GMPS: variants seen among roughly 807,000 people sequenced by gnomAD.
The protein encoded by GMPS is guanosine monophosphate synthase, also known as GMP synthase [glutamine-hydrolyzing].
A neutral mutation model predicts 77.9 loss-of-function variants in GMPS; 15 were observed. That is an observed-to-expected ratio of 0.19 (90% confidence interval 0.13 to 0.30). The LOEUF (loss-of-function observed/expected upper bound fraction) is 0.30, where lower values mean the gene tolerates loss of function less well. GMPS is among the 10% of genes least tolerant of loss of function. GMPS has a pLI of 1.00. For synonymous variants in GMPS, 224 were observed against 275.9 expected, an observed-to-expected ratio of 0.81 and a Z score of 1.86; for missense variants, 590 against 838.8, an observed-to-expected ratio of 0.70 and a Z score of 3.66.
At chr3:155,872,259 A>C (rs1443452859) in intron 1 of GMPS, among the ~76,000 whole-genome samples, 2 of 152,194 alleles carry the variant, frequency 1.3e-5, no homozygotes, top group Non-Finnish European at 2.9e-5. Context: ...CAATGAGTAA[A>C]AGATTATAAG....
At chr3:155,922,407 G>A in intron 11 of GMPS, 105 bp downstream of exon 11, 1 of 535,888 alleles carries the variant, frequency 1.9e-6, no homozygotes, top group Non-Finnish European at 3.3e-6. Context: ...AAAATTTGGT[G>A]TAATATAACC....
chr3:155,877,168 T>A (rs1754069961), intron 1 of GMPS, among the ~76,000 whole-genome samples: 1 of 152,226 alleles, frequency 6.6e-6, no homozygotes, highest in Non-Finnish European at 1.5e-5. Flanking sequence ...AAATTTTGGA[T>A]CAACGATCTC....
intron 2 of GMPS, among the ~76,000 whole-genome samples, chr3:155,894,333 C>T (rs1224713009): frequency 6.6e-6 from 1 of 152,148 alleles, no homozygotes; most frequent in African/African-American, 2.4e-5. Context: ...AGGTGATGCT[C>T]CTGCCTCAGC....
chr3:155,873,505 T>G (rs1416383855), intron 1 of GMPS, among the ~76,000 whole-genome samples: 1 of 151,998 alleles, frequency 6.6e-6, no homozygotes, highest in Non-Finnish European at 1.5e-5. Flanking sequence ...CAAGCTATCC[T>G]CCCACTTTAG....
chr3:155,896,369 C>T (rs1354197159), intron 2 of GMPS, among the ~76,000 whole-genome samples: 1 of 152,102 alleles, frequency 6.6e-6, no homozygotes, highest in Admixed American at 6.6e-5. Flanking sequence ...AACCCCATCC[C>T]CCTTTAGAAT....
chr3:155,930,879 T>C (rs920230566), intron 12 of GMPS, among the ~76,000 whole-genome samples: 5 of 152,164 alleles, frequency 3.3e-5, no homozygotes, highest in Non-Finnish European at 5.9e-5. Flanking sequence ...TAGAGTACAG[T>C]GGCATGATCA....
chr3:155,888,085 A>AT (rs559159278), intron 1 of GMPS, among the ~76,000 whole-genome samples: 1 of 151,840 alleles, frequency 6.6e-6, no homozygotes, highest in African/African-American at 2.4e-5. Context: ...ATTATTAAAA[A>AT]TTTTTTTTAA....
intron 2 of GMPS, chr3:155,895,400 G>C (rs1438737795): frequency 6.6e-6 from 1 of 152,122 alleles, no homozygotes; most frequent in Non-Finnish European, 1.5e-5. Context: ...CTGCCTCGCA[G>C]GTTCAACCTG....
intron 9 of GMPS, among the ~76,000 whole-genome samples, chr3:155,918,213 G>T (rs1056691441): frequency 1.3e-5 from 2 of 152,184 alleles, no homozygotes; most frequent in African/African-American, 4.8e-5. Context: ...ACTTTGGGAG[G>T]CTGAGGCAGG....
At chr3:155,881,227 C>T (rs192003270) in intron 1 of GMPS, among the ~76,000 whole-genome samples, 177 of 124,394 alleles carry the variant, frequency 1.4e-3, no homozygotes, top group East Asian at 7.3e-4. Flanking sequence ...GGGCGGAATG[C>T]AATGGCATGA....
chr3:155,942,375 A>G lies in GMPS; in HGVS notation c.*4683A>G. On this transcript the variant is annotated 3_prime_UTR_variant, in exon 16 of 16. Coordinates refer to ENST00000496455, the MANE Select transcript of GMPS (RefSeq NM_003875.3). The stretch of plus-strand genomic sequence containing the variant: ...AGTGCTGGGATTACAGGCGTGAGCC[A>G]CCACGCCCGGCAAGCATTTACAGTT... 4.8e-6 allele frequency: 1 copy of G among 207,342 alleles called. No individual in the cohort carries two copies. Among genetic ancestry groups the G allele is most frequent in the Non-Finnish European group, 9.8e-6 (1 of 101,750 alleles). 12.8% of individuals were successfully genotyped at this position (207,342 alleles called of 1,614,324 possible).
chr3:155,905,388 G>C (rs932310008), intron 4 of GMPS, among the ~76,000 whole-genome samples: 1 of 152,134 alleles, frequency 6.6e-6, no homozygotes, highest in Non-Finnish European at 1.5e-5. Context: ...GTTTGAATCA[G>C]GGTCCAGAGA....
intron 2 of GMPS, among the ~76,000 whole-genome samples, chr3:155,896,254 G>A (rs1276393285): frequency 6.6e-6 from 1 of 151,814 alleles, no homozygotes; most frequent in Non-Finnish European, 1.5e-5. Flanking sequence ...CGTGATCCAC[G>A]CACCTCGGCC....
At chr3:155,918,391 G>T (rs1256734111) in intron 9 of GMPS, among the ~76,000 whole-genome samples, 1 of 152,216 alleles carries the variant, frequency 6.6e-6, no homozygotes, top group Non-Finnish European at 1.5e-5. Flanking sequence ...GGCAGAGGTT[G>T]CAGTGAGCCA....
chr3:155,886,266 G>T (rs1313279316), intron 1 of GMPS, among the ~76,000 whole-genome samples: 5 of 151,614 alleles, frequency 3.3e-5, no homozygotes, highest in South Asian at 4.2e-4. Context: ...GGCAAACTTG[G>T]TGAGTTATAT....
At chr3:155,918,836 A>T (rs1755250006) in intron 9 of GMPS, among the ~76,000 whole-genome samples, 1 of 152,170 alleles carries the variant, frequency 6.6e-6, no homozygotes, top group Non-Finnish European at 1.5e-5. Flanking sequence ...TTTATCAGAT[A>T]TACGACTTGC....
chr3:155,873,635 G>GTTTTTTTTTTTTTTTTTTTTTTTT (rs1340921688), intron 1 of GMPS, among the ~76,000 whole-genome samples: 1 of 32,702 alleles, frequency 3.1e-5, no homozygotes, highest in Admixed American at 3.8e-4. Flanking sequence ...ACATGAGTAA[G>GTTTTTTTTTTTTTTTTTTTTTTTT]TTCTTTTTTT....
chr3:155,901,537 A>G (rs568086151), intron 3 of GMPS, among the ~76,000 whole-genome samples: 2 of 152,208 alleles, frequency 1.3e-5, no homozygotes, highest in African/African-American at 4.8e-5. Flanking sequence ...GCTGGGTCAT[A>G]ATGTACATTT....
rs1753884314 is a variant in GMPS at position 155,870,761 on chromosome 3, C to T, written c.-110C>T. 1.4e-6 allele frequency: 1 copy of T among 715,546 alleles called. No individual in the cohort carries two copies. Among genetic ancestry groups the T allele is most frequent in the South Asian group, 1.6e-5 (1 of 61,374 alleles). The allele number at this position is 715,546 out of a possible 1,614,324, so 44.3% of individuals were successfully genotyped here. ...GGCTCCTCTCCGCTGCCGGCTGCTC[C>T]TCGACCAGGCCTCCTTCTCAACCTC... On this transcript the variant is annotated 5_prime_UTR_variant, in exon 1 of 16. Coordinates refer to ENST00000496455, the MANE Select transcript of GMPS (RefSeq NM_003875.3).
Sources: gnomAD v4.1 joint callset for allele counts (sites outside exome capture counted in the v4.1 genomes callset) on GRCh38, gnomAD v4.1.1 for gene constraint, MANE v1.5 for transcripts, NCBI Gene and HGNC (gene_info 2026-07-23, HGNC 2026-07-21) for gene names.